Variants in LIPE observed in about 807,000 individuals in gnomAD.
LIPE encodes the protein hormone-sensitive lipase.
LIPE carries 66 observed loss-of-function variants against 88.5 expected under a neutral mutation model. The observed-to-expected ratio is 0.75, with a 90% CI of 0.61 to 0.91. The LOEUF is 0.91. Ranked by LOEUF, LIPE falls within the 40% of genes least tolerant of loss-of-function variation. The pLI is 0.00. For missense variants in LIPE, 1,346 were observed against 1,434.7 expected, an observed-to-expected ratio of 0.94 and a Z score of 1.00; for synonymous variants, 570 against 617.5, an observed-to-expected ratio of 0.92 and a Z score of 1.14.
rs35073550 is a variant in LIPE, at chr19:42,406,040, T to C, written c.2365+121A>G. The stretch of plus-strand genomic sequence containing the variant: ...CACACGAAAAAAAAGGGACAAGGAG[T>C]CTTAGATTCCTCTGCCTGGCCTCTC... On this transcript the variant is annotated intron_variant, in intron 7 of 9. Transcript: ENST00000244289. This position sits in a 1 kb window ranked among gnomAD's most constrained non-coding sequence, Gnocchi z 5.7. The C allele has an allele frequency of 2.2e-3, 1,587 of 733,724 alleles. 20 individuals are homozygous for C. In the African/African-American group the frequency reaches 0.027, roughly 12 times the overall value. 45.5% of individuals were successfully genotyped at this position (733,724 alleles called of 1,614,324 possible).
rs1435309421 is a variant in LIPE at position 42,408,662 on chromosome 19, G to C, written c.1420-340C>G. ...AGGAGAGATCTGACTGAAGCGAGGG[G>C]AGGGTGTTCCCTGCACAGGGAACAG... is the stretch of plus-strand genomic sequence containing the variant. On this transcript the variant is annotated intron_variant, in intron 2 of 9. Transcript: ENST00000244289. This position sits in a 1 kb window ranked among gnomAD's most constrained non-coding sequence, Gnocchi z 4.3. Among the ~76,000 whole-genome samples the C allele has an allele frequency of 3.3e-5, 5 of 151,854 alleles. No homozygotes were observed. The highest frequency in any genetic ancestry group is 3.3e-4 in the Admixed American group (5 of 15,252).
chr19:42,419,648 C>T (rs1040833344), intron 1 of LIPE, among the ~76,000 whole-genome samples: 4 of 145,106 alleles, frequency 2.8e-5, no homozygotes, highest in Non-Finnish European at 6.0e-5. Flanking sequence ...CAGCTGAATC[C>T]GACTCCTGGG....
chr19:42,426,518 T>G lies in LIPE; in HGVS notation c.632A>C (p.Gln211Pro). Residue 211 changes from glutamine (Q) to proline (P), a missense_variant, in exon 1 of 10, where the codon CAG (glutamine) becomes CCG (proline). Gln to Pro is a moderately conservative substitution (Grantham distance 76). Coordinates refer to ENST00000244289, the MANE Select transcript of LIPE (RefSeq NM_005357.4). ...LTELGFLTKL[Q>P]ELSIQRSALE... ...GGCTGATCGCTGTATGGATAGTTCC[T>G]GAAGTTTTGTTAGAAATCCCAGCTC... is the stretch of plus-strand genomic sequence containing the variant. 1 of 1,614,200 alleles carries G rather than the reference T, an allele frequency of 6.2e-7. No homozygotes were observed. The highest frequency in any genetic ancestry group is 1.1e-5 in the South Asian group (1 of 91,082).
rs1440783406 is a variant in LIPE, at chr19:42,408,211, T to G, written c.1510+21A>C. 3 of 1,613,306 alleles carry G rather than the reference T, an allele frequency of 1.9e-6. No individual in the cohort carries two copies. Among genetic ancestry groups the G allele is most frequent in the Non-Finnish European group, 2.5e-6 (3 of 1,179,718 alleles). On this transcript the variant is annotated intron_variant, in intron 3 of 9. Coordinates refer to ENST00000244289, the MANE Select transcript of LIPE (RefSeq NM_005357.4). The surrounding 1 kb of genome is among the most constrained non-coding windows in gnomAD (Gnocchi z 4.3). ...GAGGGCCAAGAGAGTAGGCTGCGAGTAGAACCTGGCTGGGACTCACTGAGG... is the reference window on the plus strand; with the variant it reads ...GAGGGCCAAGAGAGTAGGCTGCGAGGAGAACCTGGCTGGGACTCACTGAGG...
Position 42,427,216 on chromosome 19 carries a change from C to G in LIPE, c.-67G>C. ...TCCTTCTGGGCTCCCACCCAGCCCT[C>G]TCTCTTCACAGATCTCTCATTGATT... On this transcript the variant is annotated 5_prime_UTR_variant, in exon 1 of 10. Coordinates refer to ENST00000244289, the MANE Select transcript of LIPE (RefSeq NM_005357.4). 6.7e-7 allele frequency: 1 copy of G among 1,501,574 alleles called. No homozygotes were observed. The highest frequency in any genetic ancestry group is 8.8e-7 in the Non-Finnish European group (1 of 1,130,790). The allele number at this position is 1,501,574 out of a possible 1,614,324, so 93.0% of individuals were successfully genotyped here.
intron 1 of LIPE, chr19:42,411,280 C>A (rs1282992086): frequency 3.0e-5 from 30 of 983,726 alleles, no homozygotes; most frequent in East Asian, 1.1e-4. Context: ...TCCTGTGATC[C>A]AGGAGGCTGC....
rs1021357055 is a variant in LIPE, at chr19:42,417,931, A to G, written c.884-7089T>C. On this transcript the variant is annotated intron_variant, in intron 1 of 9. Transcript: ENST00000244289. The stretch of plus-strand genomic sequence containing the variant: ...ACAATGGCAACAAAGGATTTAGACT[A>G]TGACATAGACTTGGCTGATAGAGCA... 2.0e-5 allele frequency among the ~76,000 whole-genome samples: 3 copies of G among 152,248 alleles called. No homozygotes were observed. The East Asian group carries it at 5.8e-4, about 29-fold the overall frequency.
Position 42,408,738 on chromosome 19 carries a change from C to T in LIPE, c.1420-416G>A, listed in dbSNP as rs753458294. Among the ~76,000 whole-genome samples, 9 of 151,106 alleles carry T rather than the reference C, an allele frequency of 6.0e-5. No individual in the cohort carries two copies. Among genetic ancestry groups the T allele is most frequent in the Non-Finnish European group, 1.3e-4 (9 of 67,820 alleles). On this transcript the variant is annotated intron_variant, in intron 2 of 9. Coordinates refer to ENST00000244289, the MANE Select transcript of LIPE (RefSeq NM_005357.4). The surrounding 1 kb of genome is among the most constrained non-coding windows in gnomAD (Gnocchi z 4.3). The stretch of plus-strand genomic sequence containing the variant: ...TCATAGGAGGCTGAGGCAGGAGAAT[C>T]GCTTGAACCCAGGAGGCAGAGGTTG...
intron 1 of LIPE, among the ~76,000 whole-genome samples, chr19:42,420,780 A>T (rs1022061787): frequency 6.6e-6 from 1 of 152,170 alleles, no homozygotes; most frequent in Non-Finnish European, 1.5e-5. Flanking sequence ...CATAGCAGCC[A>T]CAGGATCTTT....
intron 1 of LIPE, among the ~76,000 whole-genome samples, 154 bp downstream of exon 1, chr19:42,426,101 CTTTTTTTTTTTT>C (rs1030833973): frequency 1.9e-5 from 2 of 104,122 alleles, no homozygotes; most frequent in African/African-American, 4.1e-5. Context: ...TGCGCCCAGC[CTTTTTTTTTTTT>C]TTTTTTTTTT....
intron 1 of LIPE, chr19:42,423,273 T>G: frequency 2.1e-6 from 1 of 479,102 alleles, no homozygotes; most frequent in South Asian, 1.9e-5. Flanking sequence ...TCACAATGGA[T>G]CATCCCGTTG....
intron 1 of LIPE, chr19:42,411,164 G>C (rs1025134147): frequency 3.5e-6 from 1 of 287,672 alleles, no homozygotes; most frequent in African/African-American, 2.3e-5. Context: ...GGACCCAGGA[G>C]CCCCTGCTAT....
intron 1 of LIPE, among the ~76,000 whole-genome samples, chr19:42,418,642 C>T (rs1003478716): frequency 1.3e-5 from 2 of 150,952 alleles, no homozygotes; most frequent in African/African-American, 2.4e-5. Context: ...AGTGAGATTC[C>T]GTCTCTACAG....
chr19:42,402,527 T>C (rs2147558081), intron 9 of LIPE, 80 bp downstream of exon 9: 1 of 1,289,116 alleles, frequency 7.8e-7, no homozygotes, highest in Non-Finnish European at 1.0e-6. Flanking sequence ...TTCCCAGGTG[T>C]ACCCGTGCCC....
intron 1 of LIPE, among the ~76,000 whole-genome samples, chr19:42,415,627 G>A (rs1357969863): frequency 6.6e-6 from 1 of 152,008 alleles, no homozygotes; most frequent in African/African-American, 2.4e-5. Flanking sequence ...TGGCTAACAC[G>A]GTGAAACCCC....
chr19:42,405,972 TCTCTCA>T (rs1467789914), intron 7 of LIPE, 183 bp downstream of exon 7: 477 of 563,178 alleles, frequency 8.5e-4, no homozygotes, highest in Middle Eastern at 4.6e-3. Context: ...TCTCTCTCTC[TCTCTCA>T]CACACACACA....
chr19:42,423,300 T>C (rs1300670812), intron 1 of LIPE: 2 of 698,384 alleles, frequency 2.9e-6, no homozygotes, highest in African/African-American at 3.8e-5. Flanking sequence ...CAAGCGGCAA[T>C]GGGCCAGTCC....
Position 42,402,961 on chromosome 19 carries a change from G to A in LIPE, c.2613C>T (p.Leu871=), listed in dbSNP as rs775237554. ...TCAAGTCCCTCAGGGTCAGGTTCTT[G>A]AGGGAATCCGTGCCCAGTGGGCCCT... The part of the protein sequence containing the change: ...QPQGPLGTDS[L]KNLTLRDLSL... The change falls in exon 9 of 10, where the codon CTC becomes CTT. Residue 871 remains leucine (L), a synonymous_variant. Transcript: ENST00000244289. 1 of 1,606,966 alleles carries A rather than the reference G, an allele frequency of 6.2e-7. No homozygotes were observed. The highest frequency in any genetic ancestry group is 1.1e-5 in the South Asian group (1 of 91,034).
chr19:42,423,752 C>T, intron 1 of LIPE: 1 of 1,121,218 alleles, frequency 8.9e-7, no homozygotes, highest in Non-Finnish European at 1.1e-6. Context: ...CCCCCTACCG[C>T]GCATTAAAGG....
Sources: gnomAD v4.1 joint callset for allele counts (sites outside exome capture counted in the v4.1 genomes callset) on GRCh38, gnomAD v4.1.1 for gene constraint, Gnocchi (gnomAD v3.1) non-coding constraint, MANE v1.5 for transcripts, NCBI Gene and HGNC (gene_info 2026-07-23, HGNC 2026-07-21) for gene names.